FSTL4: variants seen among roughly 807,000 people sequenced by gnomAD.
FSTL4 encodes the protein follistatin-related protein 4.
In FSTL4, 28 loss-of-function variants were observed where a neutral mutation model predicts 78.2. That is an observed-to-expected ratio of 0.36 (90% CI 0.27 to 0.49). The LOEUF (loss-of-function observed/expected upper bound fraction) is 0.49. Among genes scored for constraint, FSTL4 ranks in the 20% least tolerant of loss-of-function variants. The pLI is 0.98. For missense variants in FSTL4, 922 were observed against 1,084.9 expected (o/e 0.85, Z 2.11); for synonymous variants, 422 against 440.5 (o/e 0.96, Z 0.53).
chr5:133,381,588 A>G (rs1236671331), intron 4 of FSTL4, among the ~76,000 whole-genome samples: 1 of 152,244 alleles, frequency 6.6e-6, no homozygotes. Flanking sequence ...CGAGAGAGGG[A>G]GCATTTCTAA....
At chr5:133,323,976 T>C (rs1248564489) in intron 4 of FSTL4, among the ~76,000 whole-genome samples, 2 of 152,184 alleles carry the variant, frequency 1.3e-5, no homozygotes, top group African/African-American at 2.4e-5. Context: ...CTGCACTCCC[T>C]TCACACAGAG....
chr5:133,642,808 C>T, the FSTL4 span, among the ~76,000 whole-genome samples: 7 of 152,270 alleles, frequency 4.6e-5, no homozygotes, highest in Non-Finnish European at 5.9e-5. Flanking sequence ...AACAAGAAGA[C>T]AAGGTCTAGT....
chr5:133,785,533 G>A, the FSTL4 span, among the ~76,000 whole-genome samples: 8 of 152,210 alleles, frequency 5.3e-5, no homozygotes, highest in Non-Finnish European at 8.8e-5. Flanking sequence ...GCCTTTTAGA[G>A]GTTGGAGTTT....
At chr5:133,511,419 C>T (rs1002338427) in intron 3 of FSTL4, among the ~76,000 whole-genome samples, 2 of 152,164 alleles carry the variant, frequency 1.3e-5, no homozygotes, top group Non-Finnish European at 2.9e-5. Flanking sequence ...TTACCATACC[C>T]ACAGCCTCTT....
At position 133,199,296 on chromosome 5, in the gene FSTL4, G is replaced by A. The variant is rs1750241190; in HGVS notation, c.2328C>T (p.Asn776=). Reference sequence around the variant, plus strand: ...CTGGCCCTGCGGGTGGCTCCTTTAAGTTCTTCAGCATGCCCACCTTCCCCG... The same window carrying A: ...CTGGCCCTGCGGGTGGCTCCTTTAAATTCTTCAGCATGCCCACCTTCCCCG... The part of the protein sequence containing the change: ...LSTGKVGMLK[N]LKEPPAGPAQ... Residue 776 remains asparagine (N), a synonymous_variant, in exon 16 of 16, where the codon AAC becomes AAT. Transcript: ENST00000265342. This position sits in a 1 kb window ranked among gnomAD's most constrained non-coding sequence, Gnocchi z 4.4. 1 of 1,614,082 alleles carries A rather than the reference G, an allele frequency of 6.2e-7. No homozygotes were observed. The highest frequency in any genetic ancestry group is 8.5e-7 in the Non-Finnish European group (1 of 1,179,936).
intron 4 of FSTL4, among the ~76,000 whole-genome samples, chr5:133,320,100 C>T (rs533556480): frequency 1.3e-5 from 2 of 152,100 alleles, no homozygotes; most frequent in African/African-American, 2.4e-5. Context: ...CTTTGTCATC[C>T]GAATTCCACA....
At chr5:133,484,996 G>C (rs1191623240) in intron 3 of FSTL4, among the ~76,000 whole-genome samples, 1 of 152,080 alleles carries the variant, frequency 6.6e-6, no homozygotes, top group African/African-American at 2.4e-5. Flanking sequence ...TGGTTTGAAG[G>C]GTAACTTCAG....
the FSTL4 span, among the ~76,000 whole-genome samples, chr5:133,636,854 A>G: frequency 3.3e-5 from 5 of 152,198 alleles, no homozygotes; most frequent in African/African-American, 1.2e-4. Context: ...GTTTTGAACA[A>G]CAACTGAACA....
intron 3 of FSTL4, among the ~76,000 whole-genome samples, chr5:133,482,960 G>T (rs765504505): frequency 4.6e-5 from 7 of 152,186 alleles, no homozygotes; most frequent in Non-Finnish European, 7.3e-5. Context: ...TATGGAGAAT[G>T]ATATGGTTTG....
At chr5:133,501,163 C>CTAAA (rs924146135) in intron 3 of FSTL4, among the ~76,000 whole-genome samples, 3 of 151,720 alleles carry the variant, frequency 2.0e-5, no homozygotes, top group African/African-American at 7.3e-5. Flanking sequence ...CCTGAGTGTG[C>CTAAA]TAAAGAGTGA....
At chr5:133,619,753 A>G in the FSTL4 span, among the ~76,000 whole-genome samples, 1 of 152,244 alleles carries the variant, frequency 6.6e-6, no homozygotes, top group Non-Finnish European at 1.5e-5. Flanking sequence ...TGACAAATGC[A>G]TGCACATACA....
chr5:133,762,433 C>G, the FSTL4 span, among the ~76,000 whole-genome samples: 1 of 152,150 alleles, frequency 6.6e-6, no homozygotes, highest in African/African-American at 2.4e-5. Flanking sequence ...AGTCCCAGAA[C>G]ATAGACTATA....
the FSTL4 span, among the ~76,000 whole-genome samples, chr5:133,761,647 C>T: frequency 1.3e-5 from 2 of 152,192 alleles, no homozygotes; most frequent in Non-Finnish European, 2.9e-5. Flanking sequence ...AGCCCCTCAA[C>T]GTCAAGGGAG....
chr5:133,774,842 A>G, the FSTL4 span, among the ~76,000 whole-genome samples: 1 of 152,214 alleles, frequency 6.6e-6, no homozygotes, highest in Non-Finnish European at 1.5e-5. Context: ...AGCAGGACTA[A>G]GAACCATACA....
At chr5:133,517,203 A>C (rs1456083736) in intron 3 of FSTL4, among the ~76,000 whole-genome samples, 1 of 151,484 alleles carries the variant, frequency 6.6e-6, no homozygotes, top group East Asian at 2.0e-4. Context: ...TGGGTGGATC[A>C]CCTGAGGTCA....
chr5:133,624,462 G>A, the FSTL4 span, among the ~76,000 whole-genome samples: 1 of 151,876 alleles, frequency 6.6e-6, no homozygotes, highest in African/African-American at 2.4e-5. Context: ...TTCCCATAAG[G>A]TATGGGGTTT....
intron 6 of FSTL4, chr5:133,275,597 C>G (rs1752865743): frequency 6.6e-6 from 1 of 151,306 alleles, no homozygotes; most frequent in Non-Finnish European, 1.5e-5. Flanking sequence ...AAGATGTCGA[C>G]AGCAGAGCAT....
At chr5:133,357,615 G>A (rs1311688697) in intron 4 of FSTL4, among the ~76,000 whole-genome samples, 3 of 152,136 alleles carry the variant, frequency 2.0e-5, no homozygotes, top group African/African-American at 7.2e-5. Context: ...TAACTTAACC[G>A]TGAGAACGGC....
chr5:133,798,839 C>T, the FSTL4 span, among the ~76,000 whole-genome samples: 2 of 152,026 alleles, frequency 1.3e-5, no homozygotes, highest in East Asian at 3.9e-4. Flanking sequence ...ACCCTGAAGG[C>T]ACAGACCTTA....
Sources: allele counts gnomAD v4.1 joint callset (sites outside exome capture counted in the v4.1 genomes callset), GRCh38; gene constraint gnomAD v4.1.1; non-coding constraint Gnocchi (gnomAD v3.1); transcripts MANE v1.5; gene names NCBI Gene and HGNC (gene_info 2026-07-23, HGNC 2026-07-21).